Variants in HTD2 observed in about 807,000 individuals in gnomAD.
HTD2 encodes the protein hydroxyacyl-thioester dehydratase type 2, mitochondrial.
HTD2 carries 1 observed loss-of-function variant against 3.1 expected under a neutral mutation model. That is an observed-to-expected ratio of 0.32 (90% CI 0.11 to 1.52). The LOEUF is 1.52. Ranked by LOEUF, HTD2 falls within the 40% of genes most tolerant of loss-of-function variation. The probability of loss-of-function intolerance (pLI) is 0.39; values close to 1 mark genes in which losing one functional copy is unlikely to be tolerated. For synonymous variants in HTD2, 50 were observed against 28.9 expected, an observed-to-expected ratio of 1.73 and a Z score of -2.34; for missense variants, 150 against 79.6, an observed-to-expected ratio of 1.88 and a Z score of -3.36.
At chr3:58,314,211 C>T (rs1171655265) in intron 2 of HTD2, among the ~76,000 whole-genome samples, 1 of 152,090 alleles carries the variant, frequency 6.6e-6, no homozygotes, top group Non-Finnish European at 1.5e-5. Context: ...ACTAGCCGGG[C>T]GTGGTGGCAC....
intron 2 of HTD2, 61 bp downstream of exon 2, chr3:58,310,652 G>T: frequency 6.9e-7 from 1 of 1,448,838 alleles, no homozygotes; most frequent in Non-Finnish European, 9.5e-7. Flanking sequence ...ACAGAAAGAG[G>T]CCGGGCGCGG....
chr3:58,311,273 GC>G lies in HTD2; in HGVS notation c.-331+688del, dbSNP rs746667311. On this transcript the variant is annotated intron_variant, in intron 2 of 4. Transcript: ENST00000461393. The stretch of plus-strand genomic sequence containing the variant: ...AGATTCAAGGGATCTTCCTGCCTTA[GC>G]CCCCCTGGTAGCTGAGATTACAGGC... Among the ~76,000 whole-genome samples, 3 of 152,140 alleles carry G rather than the reference GC, an allele frequency of 2.0e-5. No individual in the cohort carries two copies. In the South Asian group the frequency reaches 6.2e-4, roughly 32 times the overall value.
chr3:58,310,948 G>A (rs1400946163), intron 2 of HTD2, among the ~76,000 whole-genome samples: 1 of 129,122 alleles, frequency 7.7e-6, no homozygotes, highest in Non-Finnish European at 1.6e-5. Flanking sequence ...AATCGAGAAA[G>A]AATGCTTTTC....
At chr3:58,313,603 A>C (rs1488208452) in intron 2 of HTD2, among the ~76,000 whole-genome samples, 2 of 151,970 alleles carry the variant, frequency 1.3e-5, no homozygotes, top group African/African-American at 4.8e-5. Flanking sequence ...CGGGTGGATC[A>C]CTTGAGCCCA....
chr3:58,306,414 G>A (rs1182660391), upstream of HTD2: 1 of 152,324 alleles, frequency 6.6e-6, no homozygotes, highest in Admixed American at 6.5e-5. Context: ...CCGACGAAGA[G>A]TGGGTAGGTG....
chr3:58,316,880 A>G (rs754123813), intron 3 of HTD2, 35 bp from the exon 4 acceptor site: 31 of 1,543,332 alleles, frequency 2.0e-5, no homozygotes, highest in African/African-American at 4.1e-5. Flanking sequence ...TTCTCTGTCT[A>G]TGACACACTA....
intron 1 of HTD2, among the ~76,000 whole-genome samples, chr3:58,309,726 C>T (rs2097480004): frequency 6.6e-6 from 1 of 152,026 alleles, no homozygotes; most frequent in Admixed American, 6.6e-5. Flanking sequence ...CCTGTCTCTA[C>T]TAAAAATACA....
At chr3:58,307,027 T>C (rs1018773249) in intron 1 of HTD2, among the ~76,000 whole-genome samples, 3 of 151,818 alleles carry the variant, frequency 2.0e-5, no homozygotes, top group Admixed American at 1.3e-4. Flanking sequence ...GGGGCAAGGG[T>C]GTGAGTCCGG....
In HTD2 at chr3:58,319,779, A is replaced by G. The variant is rs1263977672; in HGVS notation, c.*1659A>G. 6.6e-6 allele frequency: 1 copy of G among 152,152 alleles called. No individual in the cohort carries two copies. The highest frequency in any genetic ancestry group is 1.5e-5 in the Non-Finnish European group (1 of 68,024). 9.4% of individuals were successfully genotyped at this position (152,152 alleles called of 1,614,324 possible). On this transcript the variant is annotated 3_prime_UTR_variant, in exon 5 of 5. Transcript: ENST00000461393. ...CTAAATGGCCATCCCAACACAGCCAACACTTTTGTTTCCCATTTTTTTTTG... is the reference window on the plus strand; with the variant it reads ...CTAAATGGCCATCCCAACACAGCCAGCACTTTTGTTTCCCATTTTTTTTTG...
intron 1 of HTD2, among the ~76,000 whole-genome samples, chr3:58,308,258 A>G (rs1036923107): frequency 2.6e-5 from 4 of 151,982 alleles, no homozygotes; most frequent in Admixed American, 2.6e-4. Context: ...TTGAATACCT[A>G]CTTTGTGTCA....
chr3:58,310,158 G>A, intron 1 of HTD2: 1 of 610,862 alleles, frequency 1.6e-6, no homozygotes, highest in Non-Finnish European at 2.9e-6. Context: ...AGTGAACTCT[G>A]ATTGTACCAC....
chr3:58,314,771 G>A (rs1467420922), intron 2 of HTD2, among the ~76,000 whole-genome samples: 2 of 133,292 alleles, frequency 1.5e-5, no homozygotes, highest in Non-Finnish European at 3.1e-5. Flanking sequence ...TGCAACCTCC[G>A]CCTCCCAGGT....
chr3:58,308,738 G>C (rs1011768128), intron 1 of HTD2, among the ~76,000 whole-genome samples: 1 of 152,070 alleles, frequency 6.6e-6, no homozygotes, highest in Non-Finnish European at 1.5e-5. Context: ...TCCTTGATTG[G>C]GCCTCAGTTT....
intron 1 of HTD2, chr3:58,310,209 A>C: frequency 1.3e-6 from 1 of 776,838 alleles, no homozygotes; most frequent in Non-Finnish European, 2.1e-6. Context: ...CCTGCCTTAA[A>C]ACAAACAAAC....
At chr3:58,306,494 G>A (rs1162383015), upstream of HTD2, 1 of 152,298 alleles carries the variant, frequency 6.6e-6, no homozygotes, top group Non-Finnish European at 1.5e-5. Context: ...GCATGCGCGG[G>A]GCGGGCGGTG....
At chr3:58,316,881 T>C in intron 3 of HTD2, 34 bp from the exon 4 acceptor site, 6 of 1,546,998 alleles carry the variant, frequency 3.9e-6, no homozygotes, top group Non-Finnish European at 5.3e-6. Flanking sequence ...TCTCTGTCTA[T>C]GACACACTAT....
At position 58,316,982 on chromosome 3, in the gene HTD2, C is replaced by A. The variant is rs763270675; in HGVS notation, c.-186C>A. The A allele has an allele frequency of 1.9e-6, 3 of 1,613,338 alleles. No individual in the cohort carries two copies. The highest frequency in any genetic ancestry group is 2.5e-6 in the Non-Finnish European group (3 of 1,179,406). On this transcript the variant is annotated 5_prime_UTR_variant, in exon 4 of 5. Coordinates refer to ENST00000461393, the MANE Select transcript of HTD2 (RefSeq NM_001348712.2). ...CTATAAAGGCAAAAAATGTGCTTTC[C>A]GGGTGATTCAGGTAAAGACTATTCC...
chr3:58,312,462 G>A (rs566470632), intron 2 of HTD2, among the ~76,000 whole-genome samples: 2 of 151,718 alleles, frequency 1.3e-5, no homozygotes, highest in East Asian at 3.9e-4. Flanking sequence ...TTAAAACTGT[G>A]TTTGAAATTG....
rs2097489356 is a variant in HTD2 at position 58,317,323 on chromosome 3, C to T, written c.-174-117C>T. ...ATCGAAGGCTTCCTCTCAGGATGCTCTGTAAAATGCTCCTGCATCAGCTTT... is the reference window on the plus strand; with the variant it reads ...ATCGAAGGCTTCCTCTCAGGATGCTTTGTAAAATGCTCCTGCATCAGCTTT... On this transcript the variant is annotated intron_variant, in intron 4 of 4. Transcript: ENST00000461393. 5.8e-6 allele frequency: 4 copies of T among 684,748 alleles called. No individual in the cohort carries two copies. The South Asian group carries it at 7.6e-5, about 13-fold the overall frequency. The allele number at this position is 684,748 out of a possible 1,614,324, so 42.4% of individuals were successfully genotyped here.
Sources: gnomAD v4.1 joint callset for allele counts (sites outside exome capture counted in the v4.1 genomes callset) on GRCh38, gnomAD v4.1.1 for gene constraint, MANE v1.5 for transcripts, NCBI Gene and HGNC (gene_info 2026-07-23, HGNC 2026-07-21) for gene names.